C8orf89: variants seen among roughly 807,000 people sequenced by gnomAD.
C8orf89 encodes the protein putative uncharacterized protein C8orf89.
Under a neutral mutation model 15.8 loss-of-function variants are expected in C8orf89, and 14 were observed. That is an observed-to-expected ratio of 0.89 (90% CI 0.59 to 1.39). The LOEUF is 1.39. Among genes scored for constraint, C8orf89 ranks in the 40% most tolerant of loss-of-function variants. The probability of loss-of-function intolerance (pLI) is 0.00; values close to 1 mark genes in which losing one functional copy is unlikely to be tolerated. For synonymous variants in C8orf89, 55 were observed against 62.2 expected (o/e 0.88, Z 0.54); for missense variants, 181 against 184.5 (o/e 0.98, Z 0.11).
the C8orf89 span, among the ~76,000 whole-genome samples, chr8:73,265,289 T>G: frequency 1.3e-5 from 2 of 152,194 alleles, no homozygotes; most frequent in Admixed American, 1.3e-4. Context: ...AAGACAAGGT[T>G]TGAAAGATAG....
At position 73,250,328 on chromosome 8, in the gene C8orf89, A is replaced by T. The variant is rs1813220692; in HGVS notation, c.282-5T>A. On this transcript the variant is annotated splice_polypyrimidine_tract_variant and splice_region_variant and intron_variant, in intron 2 of 3. Coordinates refer to ENST00000624510, the MANE Select transcript of C8orf89 (RefSeq NM_001243237.3). ...GTCTCCTTAGTCTTCTTTAGCCTGA[A>T]TATTATATATTATCATAAAATTACT... is the stretch of plus-strand genomic sequence containing the variant. The T allele has an allele frequency of 8.0e-6, 12 of 1,491,690 alleles. No individual in the cohort carries two copies. The East Asian group carries it at 3.0e-4, about 37-fold the overall frequency. 92.4% of individuals were successfully genotyped at this position (1,491,690 alleles called of 1,614,324 possible).
chr8:73,262,183 T>A (rs936683951), upstream of C8orf89, among the ~76,000 whole-genome samples: 3 of 152,200 alleles, frequency 2.0e-5, no homozygotes, highest in African/African-American at 7.2e-5. Flanking sequence ...TCTCATTTTA[T>A]TTGTAAAGGT....
At chr8:73,249,912 C>T (rs1024823618) in intron 3 of C8orf89, among the ~76,000 whole-genome samples, 2 of 151,994 alleles carry the variant, frequency 1.3e-5, no homozygotes, top group Admixed American at 6.6e-5. Flanking sequence ...CTGTGGGTAA[C>T]GAGGGAGTCA....
At chr8:73,256,703 G>C (rs540867261) in intron 2 of C8orf89, among the ~76,000 whole-genome samples, 124 of 129,580 alleles carry the variant, frequency 9.6e-4, no homozygotes, top group Non-Finnish European at 1.6e-3. Flanking sequence ...ACTCCAGCCT[G>C]GCAAAACAGC....
At chr8:73,282,011 T>G in the C8orf89 span, among the ~76,000 whole-genome samples, 1 of 152,270 alleles carries the variant, frequency 6.6e-6, no homozygotes, top group Admixed American at 6.5e-5. Context: ...GACGCCTACC[T>G]TGAAATTGTT....
Position 73,250,419 on chromosome 8 carries a change from T to C in C8orf89, c.282-96A>G, listed in dbSNP as rs920646950. 21 of 713,058 alleles carry C rather than the reference T, an allele frequency of 2.9e-5. No homozygotes were observed. The African/African-American group carries it at 3.1e-4, about 10-fold the overall frequency. 44.2% of individuals were successfully genotyped at this position (713,058 alleles called of 1,614,324 possible). On this transcript the variant is annotated intron_variant, in intron 2 of 3. Transcript: ENST00000624510. ...TAACATCACATAGACATTAAATAAA[T>C]GTTAAGGAAAGGAAAGTCTTTCCAT...
the C8orf89 span, among the ~76,000 whole-genome samples, chr8:73,273,750 T>C: frequency 2.0e-5 from 2 of 101,396 alleles, no homozygotes; most frequent in Admixed American, 2.0e-4. Context: ...TGATGCCAGT[T>C]TTTTTTTTTT....
In C8orf89 at chr8:73,241,608, G is replaced by A; in HGVS notation, c.338-3C>T. On this transcript the variant is annotated splice_region_variant and splice_polypyrimidine_tract_variant and intron_variant, in intron 3 of 3. Transcript: ENST00000624510. ...GAGAGGATCACTGAAGCCAGAACCT[G>A]GAGGAGGAGGTGGGGAGTCAGCTAT... 6.7e-7 allele frequency: 1 copy of A among 1,500,376 alleles called. No homozygotes were observed. Among genetic ancestry groups the A allele is most frequent in the Non-Finnish European group, 8.9e-7 (1 of 1,128,816 alleles). The allele number at this position is 1,500,376 out of a possible 1,614,324, so 92.9% of individuals were successfully genotyped here.
At chr8:73,272,951 C>T in the C8orf89 span, among the ~76,000 whole-genome samples, 1 of 152,172 alleles carries the variant, frequency 6.6e-6, no homozygotes, top group African/African-American at 2.4e-5. Flanking sequence ...CTAACTCAGG[C>T]CACCTTCCCA....
chr8:73,270,236 C>T, the C8orf89 span, among the ~76,000 whole-genome samples: 12 of 152,030 alleles, frequency 7.9e-5, no homozygotes, highest in African/African-American at 2.9e-4. Context: ...CATCCCAATA[C>T]CAAACATCTA....
the C8orf89 span, among the ~76,000 whole-genome samples, chr8:73,280,802 A>C: frequency 6.6e-6 from 1 of 151,572 alleles, no homozygotes; most frequent in African/African-American, 2.4e-5. Flanking sequence ...TATTAAAATC[A>C]AAAAAGAAAA....
At chr8:73,251,826 C>G (rs1813256395) in intron 2 of C8orf89, among the ~76,000 whole-genome samples, 1 of 152,118 alleles carries the variant, frequency 6.6e-6, no homozygotes, top group South Asian at 2.1e-4. Context: ...GGGTCCATAC[C>G]GATGCAAAGT....
chr8:73,278,266 T>C, the C8orf89 span, among the ~76,000 whole-genome samples: 1 of 152,254 alleles, frequency 6.6e-6, no homozygotes, highest in African/African-American at 2.4e-5. Flanking sequence ...TGAATGAGTA[T>C]GGTAAGGAGT....
the C8orf89 span, among the ~76,000 whole-genome samples, chr8:73,282,681 C>T: frequency 6.6e-6 from 1 of 152,214 alleles, no homozygotes; most frequent in Non-Finnish European, 1.5e-5. Flanking sequence ...GGTATGGTTT[C>T]TATTCACAGC....
chr8:73,257,010 T>A lies in C8orf89; in HGVS notation c.244A>T (p.Arg82Ter). Residue 82 changes from arginine to a stop codon, truncating the protein, a stop_gained, in exon 2 of 4, where the codon AGA becomes TGA. Coordinates refer to ENST00000624510, the MANE Select transcript of C8orf89 (RefSeq NM_001243237.3). LOFTEE classifies it high-confidence loss of function. ...VSSTPLEVPK[R>*]LPRADAEVSA... is the part of the protein sequence containing the mutation. ...ACCTCGGCATCAGCACGTGGCAGTC[T>A]TTTAGGAACCTCTAGTGGAGTTGAA... 1 of 1,535,314 alleles carries A rather than the reference T, an allele frequency of 6.5e-7. No homozygotes were observed. Among genetic ancestry groups the A allele is most frequent in the Non-Finnish European group, 8.7e-7 (1 of 1,146,458 alleles).
At chr8:73,284,693 C>G in the C8orf89 span, among the ~76,000 whole-genome samples, 1 of 152,086 alleles carries the variant, frequency 6.6e-6, no homozygotes, top group Non-Finnish European at 1.5e-5. Context: ...CGTACTGTTT[C>G]AATAAGTACT....
chr8:73,256,202 G>T (rs926829260), intron 2 of C8orf89, among the ~76,000 whole-genome samples: 13 of 151,674 alleles, frequency 8.6e-5, no homozygotes, highest in Admixed American at 2.6e-4. Context: ...GACTTTTCTG[G>T]CTGAAAAATT....
intron 1 of C8orf89, among the ~76,000 whole-genome samples, chr8:73,258,034 G>A (rs1813439632): frequency 6.6e-6 from 1 of 152,066 alleles, no homozygotes; most frequent in Non-Finnish European, 1.5e-5. Flanking sequence ...ATGGAAACCT[G>A]GTAAGAAAGT....
chr8:73,250,123 T>C (rs1349595889), intron 3 of C8orf89, 145 bp downstream of exon 3: 4 of 577,426 alleles, frequency 6.9e-6, no homozygotes, highest in Non-Finnish European at 9.0e-6. Context: ...CAACATCCAC[T>C]TAGTTTATAA....
Sources: gnomAD v4.1 joint callset for allele counts (sites outside exome capture counted in the v4.1 genomes callset) on GRCh38, gnomAD v4.1.1 for gene constraint, MANE v1.5 for transcripts, NCBI Gene and HGNC (gene_info 2026-07-23, HGNC 2026-07-21) for gene names.